Variants in MBOAT2 observed in about 807,000 individuals in gnomAD.
MBOAT2 encodes membrane-bound glycerophospholipid O-acyltransferase 2.
In MBOAT2, 28 loss-of-function variants were observed where a neutral mutation model predicts 63.4. The ratio of observed to expected loss-of-function variants is 0.44; its 90% confidence interval spans 0.33 to 0.61. The LOEUF is 0.61. Ranked by LOEUF, MBOAT2 falls within the 20% of genes least tolerant of loss-of-function variation. MBOAT2 has a pLI of 0.03. For missense variants in MBOAT2, 470 were observed against 605.8 expected, an observed-to-expected ratio of 0.78 and a Z score of 2.35; for synonymous variants, 211 against 215.6, an observed-to-expected ratio of 0.98 and a Z score of 0.19.
intron 5 of MBOAT2, 142 bp downstream of exon 5, chr2:8,887,876 C>T (rs1663674959): frequency 2.5e-6 from 2 of 785,894 alleles, no homozygotes; most frequent in Non-Finnish European, 4.4e-6. Context: ...TTTCATAATC[C>T]TAAGCACAGT....
rs540638888 is a variant in MBOAT2, at chr2:8,873,154, G to T, written c.837C>A (p.Ile279=). The T allele has an allele frequency of 3.7e-6, 6 of 1,614,112 alleles. No individual in the cohort carries two copies. In the Admixed American group the frequency reaches 8.3e-5, roughly 22 times the overall value. The change falls in exon 8 of 13, where the codon ATC becomes ATA. Residue 279 remains isoleucine (I), a synonymous_variant. Coordinates refer to ENST00000305997, the MANE Select transcript of MBOAT2 (RefSeq NM_138799.4). ...SWPTKIIYLY[I]SLLAARPKYY... is the part of the protein sequence containing the mutation. ...ATTTGGGTCTGGCAGCCAAAAGAGA[G>T]ATATACAGATAGATAATCTTTGTTG...
At chr2:8,940,208 A>G (rs868080754) in intron 3 of MBOAT2, among the ~76,000 whole-genome samples, 3 of 152,162 alleles carry the variant, frequency 2.0e-5, no homozygotes, top group African/African-American at 7.2e-5. Context: ...TATAAAGAGA[A>G]GGAACGGATA....
chr2:8,993,748 C>T (rs1172838848), intron 1 of MBOAT2, among the ~76,000 whole-genome samples: 1 of 152,206 alleles, frequency 6.6e-6, no homozygotes, highest in Non-Finnish European at 1.5e-5. Context: ...CTGCATTCAA[C>T]TGCAGTACCT....
At chr2:9,001,407 CAT>C (rs1485755869) in intron 1 of MBOAT2, among the ~76,000 whole-genome samples, 2 of 152,190 alleles carry the variant, frequency 1.3e-5, no homozygotes, top group Non-Finnish European at 2.9e-5. Flanking sequence ...ACCACAAACA[CAT>C]GAGTAATGCG....
intron 3 of MBOAT2, among the ~76,000 whole-genome samples, chr2:8,915,984 G>A (rs1483891326): frequency 6.6e-6 from 1 of 152,168 alleles, no homozygotes; most frequent in African/African-American, 2.4e-5. Context: ...TTTATGGGAG[G>A]CAGAAAACTT....
chr2:8,926,370 G>C (rs1303520862), intron 3 of MBOAT2, among the ~76,000 whole-genome samples: 1 of 152,194 alleles, frequency 6.6e-6, no homozygotes, highest in East Asian at 1.9e-4. Flanking sequence ...GATGTACAAA[G>C]TAAAGTACGA....
intron 3 of MBOAT2, among the ~76,000 whole-genome samples, chr2:8,934,315 T>C (rs1187202064): frequency 2.0e-5 from 3 of 151,982 alleles, no homozygotes; most frequent in Non-Finnish European, 4.4e-5. Flanking sequence ...ATTTAGAGTA[T>C]TTTTTTTAAT....
At chr2:8,955,688 C>T (rs1669162525) in intron 2 of MBOAT2, among the ~76,000 whole-genome samples, 1 of 152,212 alleles carries the variant, frequency 6.6e-6, no homozygotes, top group African/African-American at 2.4e-5. Flanking sequence ...CAGGGTTTGA[C>T]TCCAATTTTG....
At chr2:8,982,695 T>C (rs1389292863) in intron 1 of MBOAT2, among the ~76,000 whole-genome samples, 2 of 152,176 alleles carry the variant, frequency 1.3e-5, no homozygotes, top group Non-Finnish European at 2.9e-5. Context: ...TCAACCCACC[T>C]CTGAGTTTAT....
intron 4 of MBOAT2, among the ~76,000 whole-genome samples, chr2:8,897,233 GTCTC>G (rs990494843): frequency 3.4e-5 from 5 of 145,856 alleles, no homozygotes; most frequent in Non-Finnish European, 7.5e-5. Context: ...CTCCTTCTTT[GTCTC>G]TCTTTCATCC....
At chr2:8,919,282 T>C (rs1369256149) in intron 3 of MBOAT2, among the ~76,000 whole-genome samples, 1 of 152,220 alleles carries the variant, frequency 6.6e-6, no homozygotes, top group Non-Finnish European at 1.5e-5. Context: ...TAAGTTAATG[T>C]TTAACTTTCA....
At position 8,912,490 on chromosome 2, in the gene MBOAT2, C is replaced by T. The variant is rs184488983; in HGVS notation, c.300-3774G>A. ...ATAACTTATTGATAAAAGAATTCAG[C>T]AAAGTTTTCTGGATACAAGATTAAC... On this transcript the variant is annotated intron_variant, in intron 3 of 12. Coordinates refer to ENST00000305997, the MANE Select transcript of MBOAT2 (RefSeq NM_138799.4). Among the ~76,000 whole-genome samples the T allele has an allele frequency of 2.2e-4, 34 of 152,210 alleles. No individual in the cohort carries two copies. The East Asian group carries it at 6.4e-3, about 29-fold the overall frequency.
intron 6 of MBOAT2, among the ~76,000 whole-genome samples, chr2:8,879,942 GAT>G (rs1355638459): frequency 6.6e-6 from 1 of 152,124 alleles, no homozygotes; most frequent in African/African-American, 2.4e-5. Flanking sequence ...GGGTATTTTT[GAT>G]AGAGTGAGCT....
rs368899921 is a variant in MBOAT2 at position 8,996,996 on chromosome 2, G to T, written c.75+6544C>A. ...ATACAGGAAGGACGGTTAGGATTGGGAAGCCATGGTAGAAGAGGCACGTCA... is the reference window on the plus strand; with the variant it reads ...ATACAGGAAGGACGGTTAGGATTGGTAAGCCATGGTAGAAGAGGCACGTCA... On this transcript the variant is annotated intron_variant, in intron 1 of 12. Coordinates refer to ENST00000305997, the MANE Select transcript of MBOAT2 (RefSeq NM_138799.4). Among the ~76,000 whole-genome samples the T allele has an allele frequency of 1.9e-4, 29 of 152,276 alleles. 1 individual carries two copies. Among genetic ancestry groups the T allele is most frequent in the African/African-American group, 6.0e-4 (25 of 41,558 alleles).
At chr2:8,939,755 C>G (rs1201945013) in intron 3 of MBOAT2, among the ~76,000 whole-genome samples, 1 of 152,154 alleles carries the variant, frequency 6.6e-6, no homozygotes, top group South Asian at 2.1e-4. Context: ...CATACACACA[C>G]AGAATAAACT....
At chr2:8,986,207 C>CAAA (rs749608343) in intron 1 of MBOAT2, among the ~76,000 whole-genome samples, 1 of 74,386 alleles carries the variant, frequency 1.3e-5, no homozygotes, top group Non-Finnish European at 2.7e-5. Context: ...ACAAGGTCAC[C>CAAA]AAAAAAAAAA....
chr2:8,933,353 T>C (rs1389298133), intron 3 of MBOAT2, among the ~76,000 whole-genome samples: 3 of 152,156 alleles, frequency 2.0e-5, no homozygotes, highest in East Asian at 3.8e-4. Flanking sequence ...ATTTTTTGGG[T>C]GGAAGAGAGG....
At chr2:8,871,312 T>C (rs1662313250) in intron 8 of MBOAT2, among the ~76,000 whole-genome samples, 1 of 152,198 alleles carries the variant, frequency 6.6e-6, no homozygotes, top group Non-Finnish European at 1.5e-5. Flanking sequence ...ATAAATCTTG[T>C]ATATTTTTAC....
At position 8,857,125 on chromosome 2, in the gene MBOAT2, A is replaced by T. The variant is rs942286148; in HGVS notation, c.*1554T>A. Reference sequence around the variant, plus strand: ...TGTCTTTAACTTCATTTGCAAATTTATTAGTGACTCCACCCCCCGAAAAAA... The same window carrying T: ...TGTCTTTAACTTCATTTGCAAATTTTTTAGTGACTCCACCCCCCGAAAAAA... On this transcript the variant is annotated 3_prime_UTR_variant, in exon 13 of 13. Transcript: ENST00000305997. 6.5e-6 allele frequency: 1 copy of T among 152,760 alleles called. No homozygotes were observed. The highest frequency in any genetic ancestry group is 1.9e-4 in the East Asian group (1 of 5,192). The allele number at this position is 152,760 out of a possible 1,614,324, so 9.5% of individuals were successfully genotyped here. A position where few individuals can be genotyped will look rare whatever the true frequency, so the allele number is the denominator to read the frequency against.
Sources: gnomAD v4.1 joint callset for allele counts (sites outside exome capture counted in the v4.1 genomes callset) on GRCh38, gnomAD v4.1.1 for gene constraint, MANE v1.5 for transcripts, NCBI Gene and HGNC (gene_info 2026-07-23, HGNC 2026-07-21) for gene names.